The following MED13L variants were observed in gnomAD, a reference collection of about 807,000 sequenced individuals.
MED13L encodes mediator of RNA polymerase II transcription subunit 13-like.
Under a neutral mutation model 220.9 loss-of-function variants are expected in MED13L, and 7 were observed. The observed-to-expected ratio is 0.03, with a 90% CI of 0.02 to 0.06. The LOEUF is 0.06. MED13L is among the 10% of genes least tolerant of loss of function. The pLI, the probability that MED13L is intolerant of heterozygous loss-of-function variation, is 1.00. For missense variants in MED13L, 1,965 were observed against 2,760.5 expected, an observed-to-expected ratio of 0.71 and a Z score of 6.46; for synonymous variants, 1,011 against 1,015.2, an observed-to-expected ratio of 1.00 and a Z score of 0.08.
chr12:116,274,438 A>AC (rs1311687393), intron 1 of MED13L, among the ~76,000 whole-genome samples: 3 of 150,720 alleles, frequency 2.0e-5, no homozygotes, highest in Non-Finnish European at 4.4e-5. Context: ...AAAAAAAAAA[A>AC]CCCTGCAGGC....
chr12:116,095,487 C>G (rs1872570814), intron 4 of MED13L, among the ~76,000 whole-genome samples: 3 of 152,230 alleles, frequency 2.0e-5, no homozygotes, highest in South Asian at 2.1e-4. Flanking sequence ...AGATTTAAGG[C>G]AGACAGGTTG....
chr12:116,169,766 T>C (rs1362551444), intron 2 of MED13L, among the ~76,000 whole-genome samples: 1 of 152,176 alleles, frequency 6.6e-6, no homozygotes. Flanking sequence ...TTCAGTGCTT[T>C]GGGAATCCAA....
At chr12:115,962,522 T>C (rs1162595962) in intron 30 of MED13L, 1 of 152,242 alleles carries the variant, frequency 6.6e-6, no homozygotes, top group African/African-American at 2.4e-5. Context: ...GCCAAATTTA[T>C]GTTGATCAGG....
Position 115,979,979 on chromosome 12 carries a change from T to C in MED13L, c.5364+771A>G, listed in dbSNP as rs1877211599. Among the ~76,000 whole-genome samples, 3 of 152,292 alleles carry C rather than the reference T, an allele frequency of 2.0e-5. No homozygotes were observed. The South Asian group carries it at 6.2e-4, about 32-fold the overall frequency. On this transcript the variant is annotated intron_variant, in intron 23 of 30. Transcript: ENST00000281928. The stretch of plus-strand genomic sequence containing the variant: ...TGGAGTGAAAATGCATTCATTTATA[T>C]ACGGAAGCACTGAGGCAAGGAAAGG...
At chr12:116,048,862 T>C (rs1337631807) in intron 4 of MED13L, among the ~76,000 whole-genome samples, 1 of 152,206 alleles carries the variant, frequency 6.6e-6, no homozygotes, top group Non-Finnish European at 1.5e-5. Context: ...GGAGAGACAA[T>C]GATATTCTAA....
At chr12:116,271,204 CGTGTGT>C (rs140643991) in intron 1 of MED13L, among the ~76,000 whole-genome samples, 3 of 149,674 alleles carry the variant, frequency 2.0e-5, no homozygotes, top group Admixed American at 1.3e-4. Flanking sequence ...GAAACAAATA[CGTGTGT>C]GTGTGTGTGT....
At chr12:116,215,231 A>AC (rs2138368065) in intron 2 of MED13L, among the ~76,000 whole-genome samples, 1 of 152,310 alleles carries the variant, frequency 6.6e-6, no homozygotes, top group South Asian at 2.1e-4. Flanking sequence ...GACAATCAGT[A>AC]CTTCCTCTAT....
chr12:116,140,674 GA>G (rs781341525), intron 2 of MED13L, among the ~76,000 whole-genome samples: 1 of 152,116 alleles, frequency 6.6e-6, no homozygotes, highest in Non-Finnish European at 1.5e-5. Context: ...AAACTGGTTT[GA>G]AAACAAAACT....
chr12:116,091,166 T>G (rs985781206), intron 4 of MED13L, among the ~76,000 whole-genome samples: 6 of 151,670 alleles, frequency 4.0e-5, no homozygotes, highest in Admixed American at 2.0e-4. Flanking sequence ...GGTATATCTT[T>G]TACTATAAAA....
intron 2 of MED13L, among the ~76,000 whole-genome samples, chr12:116,185,942 C>A (rs1364668239): frequency 2.0e-5 from 3 of 152,340 alleles, no homozygotes. Context: ...GATCTGCCCA[C>A]TTCGGCCTCC....
chr12:116,118,552 AT>A (rs1427747495), intron 2 of MED13L, among the ~76,000 whole-genome samples: 4 of 152,226 alleles, frequency 2.6e-5, no homozygotes, highest in African/African-American at 9.6e-5. Context: ...TAATGCATTA[AT>A]TTGCTGACCC....
chr12:116,160,000 T>C (rs1262569582), intron 2 of MED13L, among the ~76,000 whole-genome samples: 3 of 152,214 alleles, frequency 2.0e-5, no homozygotes, highest in East Asian at 3.8e-4. Context: ...CTTCTGGCCA[T>C]ATGGAATCTG....
At chr12:116,182,624 ACT>A (rs1197213763) in intron 2 of MED13L, among the ~76,000 whole-genome samples, 4 of 151,226 alleles carry the variant, frequency 2.6e-5, no homozygotes, top group African/African-American at 9.8e-5. Flanking sequence ...CTACTCTCTC[ACT>A]CTCTCTTTCT....
intron 4 of MED13L, among the ~76,000 whole-genome samples, chr12:116,055,125 T>C (rs1287886997): frequency 6.6e-6 from 1 of 152,222 alleles, no homozygotes; most frequent in Admixed American, 6.5e-5. Flanking sequence ...AAAATTGATC[T>C]ACAGTGGTAT....
intron 2 of MED13L, among the ~76,000 whole-genome samples, chr12:116,158,568 G>GA (rs1191645858): frequency 1.3e-5 from 2 of 152,012 alleles, no homozygotes. Flanking sequence ...ATCTGAAAGA[G>GA]AAAAACAGAG....
intron 5 of MED13L, 65 bp downstream of exon 5, chr12:116,022,391 A>T: frequency 6.3e-7 from 1 of 1,591,786 alleles, no homozygotes; most frequent in South Asian, 1.1e-5. Context: ...GCAAAACTTT[A>T]CTGGGCAAGA....
chr12:116,100,299 T>A (rs115906061), intron 3 of MED13L, among the ~76,000 whole-genome samples: 1 of 151,926 alleles, frequency 6.6e-6, no homozygotes, highest in Non-Finnish European at 1.5e-5. Context: ...CATGGATCTA[T>A]AGCTTTAAAA....
intron 19 of MED13L, among the ~76,000 whole-genome samples, chr12:115,985,157 C>G (rs1206570167): frequency 6.6e-6 from 1 of 152,114 alleles, no homozygotes; most frequent in Non-Finnish European, 1.5e-5. Flanking sequence ...TGTCTGTACC[C>G]TCTTAAAAAG....
chr12:116,045,662 C>T (rs1881790248), intron 4 of MED13L, among the ~76,000 whole-genome samples: 1 of 152,082 alleles, frequency 6.6e-6, no homozygotes, highest in African/African-American at 2.4e-5. Flanking sequence ...ATTTGACCAA[C>T]ATTAACATAA....
Sources: gnomAD v4.1 joint callset for allele counts (sites outside exome capture counted in the v4.1 genomes callset) on GRCh38, gnomAD v4.1.1 for gene constraint, MANE v1.5 for transcripts, NCBI Gene and HGNC (gene_info 2026-07-23, HGNC 2026-07-21) for gene names.